GRM8: variants seen among roughly 807,000 people sequenced by gnomAD.
The protein encoded by GRM8 is glutamate metabotropic receptor 8, also known as metabotropic glutamate receptor 8.
GRM8 carries 47 observed loss-of-function variants against 87.2 expected under a neutral mutation model. The observed-to-expected ratio is 0.54, with a 90% CI of 0.43 to 0.69. The LOEUF is 0.69. Ranked by LOEUF, GRM8 falls within the 30% of genes least tolerant of loss-of-function variation. The probability of loss-of-function intolerance (pLI) is 0.00; values close to 1 mark genes in which losing one functional copy is unlikely to be tolerated. For synonymous variants in GRM8, 396 were observed against 404.5 expected (o/e 0.98, Z 0.25); for missense variants, 1,019 against 1,139.2 (o/e 0.89, Z 1.52).
At chr7:127,208,991 T>C (rs1796066550) in intron 2 of GRM8, among the ~76,000 whole-genome samples, 1 of 152,216 alleles carries the variant, frequency 6.6e-6, no homozygotes, top group South Asian at 2.1e-4. Flanking sequence ...TCTAATAGTG[T>C]GTGTTTGTTT....
At chr7:126,856,050 T>C (rs958024575) in intron 6 of GRM8, among the ~76,000 whole-genome samples, 3 of 152,186 alleles carry the variant, frequency 2.0e-5, no homozygotes, top group Admixed American at 1.3e-4. Flanking sequence ...GCATGAACTT[T>C]CATCAGCTTT....
Position 126,726,692 on chromosome 7 carries a change from C to T in GRM8, c.1357+43173G>A, listed in dbSNP as rs180840959. 1.8e-3 allele frequency among the ~76,000 whole-genome samples: 279 copies of T among 152,206 alleles called. 1 individual carries two copies. Among genetic ancestry groups the T allele is most frequent in the African/African-American group, 6.4e-3 (264 of 41,548 alleles). ...CAAAAGAGGAATTGGAAAGTATCTG[C>T]CCCTATCTCCCAGAAAAATCTTCAG... On this transcript the variant is annotated intron_variant, in intron 7 of 10. Transcript: ENST00000339582.
chr7:126,693,069 C>T (rs1423685198), intron 7 of GRM8, among the ~76,000 whole-genome samples: 2 of 152,274 alleles, frequency 1.3e-5, no homozygotes, highest in East Asian at 1.9e-4. Flanking sequence ...ACAAACTAAT[C>T]GCCTCAAACT....
At chr7:127,187,234 C>T (rs1265510906) in intron 2 of GRM8, among the ~76,000 whole-genome samples, 1 of 152,136 alleles carries the variant, frequency 6.6e-6, no homozygotes, top group Non-Finnish European at 1.5e-5. Context: ...CAAGTACAAG[C>T]TGTTTAAAAG....
chr7:126,767,711 A>G (rs1320323257), intron 7 of GRM8, among the ~76,000 whole-genome samples: 1 of 152,092 alleles, frequency 6.6e-6, no homozygotes, highest in African/African-American at 2.4e-5. Flanking sequence ...TACATAAGTC[A>G]ATAATAAAAT....
intron 7 of GRM8, among the ~76,000 whole-genome samples, chr7:126,706,914 G>A (rs1447745961): frequency 1.3e-5 from 2 of 152,222 alleles, no homozygotes; most frequent in East Asian, 3.9e-4. Context: ...TAGACAAAAT[G>A]CTCACTGGGG....
In GRM8 at chr7:126,668,889, G is replaced by C. The variant is rs149898828; in HGVS notation, c.1358-59391C>G. Among the ~76,000 whole-genome samples the C allele has an allele frequency of 1.9e-3, 289 of 152,164 alleles. 3 individuals are homozygous for C. The highest frequency in any genetic ancestry group is 6.8e-3 in the Middle Eastern group (2 of 294). On this transcript the variant is annotated intron_variant, in intron 7 of 10. Coordinates refer to ENST00000339582, the MANE Select transcript of GRM8 (RefSeq NM_000845.3). The stretch of plus-strand genomic sequence containing the variant: ...AAAAGAGCTCTAATTATTATTGATG[G>C]ACATTTGGGTTGGTTCCAAGACTTT...
At chr7:126,505,408 A>G (rs144450418) in intron 9 of GRM8, among the ~76,000 whole-genome samples, 2 of 152,164 alleles carry the variant, frequency 1.3e-5, no homozygotes, top group African/African-American at 4.8e-5. Flanking sequence ...ACACATCCCC[A>G]ATCTAAAAAT....
At chr7:127,246,360 A>T (rs1798583738) in intron 1 of GRM8, among the ~76,000 whole-genome samples, 1 of 152,174 alleles carries the variant, frequency 6.6e-6, no homozygotes, top group African/African-American at 2.4e-5. Flanking sequence ...TTTGTGTTTG[A>T]TTTAAAGTAT....
chr7:126,656,156 G>A (rs895582825), intron 7 of GRM8, among the ~76,000 whole-genome samples: 4 of 152,064 alleles, frequency 2.6e-5, no homozygotes, highest in Admixed American at 2.0e-4. Flanking sequence ...AATTCCAAGG[G>A]GCATTAAATG....
intron 2 of GRM8, among the ~76,000 whole-genome samples, chr7:127,221,644 A>G (rs529536899): frequency 5.3e-5 from 8 of 152,284 alleles, no homozygotes; most frequent in African/African-American, 1.9e-4. Context: ...AATGCTCGTT[A>G]ATAACTCATT....
intron 2 of GRM8, among the ~76,000 whole-genome samples, chr7:127,142,719 GGATGGACGGACA>G (rs1292470952): frequency 7.2e-5 from 11 of 152,146 alleles, no homozygotes; most frequent in East Asian, 3.9e-4. Flanking sequence ...TGGATGGGAT[GGATGGACGGACA>G]GATGGACGGA....
chr7:126,491,963 A>C (rs1808070361), intron 9 of GRM8, among the ~76,000 whole-genome samples: 1 of 152,080 alleles, frequency 6.6e-6, no homozygotes, highest in African/African-American at 2.4e-5. Flanking sequence ...AAGAATAATA[A>C]AAAAGCCATC....
At chr7:126,629,828 A>G (rs2106314) in intron 7 of GRM8, among the ~76,000 whole-genome samples, 46,810 of 152,062 alleles carry the variant, frequency 0.31, 8,083 homozygotes, top group East Asian at 0.43. Flanking sequence ...TGTGGAGCAT[A>G]ATTAAAAGAC....
At chr7:127,037,832 C>CGTGTGTGT (rs367605693) in intron 3 of GRM8, among the ~76,000 whole-genome samples, 112 of 147,420 alleles carry the variant, frequency 7.6e-4, no homozygotes, top group Middle Eastern at 3.4e-3. Flanking sequence ...CATGCGCATC[C>CGTGTGTGT]GTGTGTGTGT....
chr7:127,008,883 G>GT (rs1295350391), intron 3 of GRM8, among the ~76,000 whole-genome samples: 1 of 152,042 alleles, frequency 6.6e-6, no homozygotes, highest in African/African-American at 2.4e-5. Context: ...TTTCAAATAT[G>GT]TTTTTATCTA....
At chr7:126,746,083 G>T (rs1815638055) in intron 7 of GRM8, among the ~76,000 whole-genome samples, 1 of 151,702 alleles carries the variant, frequency 6.6e-6, no homozygotes, top group African/African-American at 2.4e-5. Flanking sequence ...GTTTTAATGT[G>T]ATGATTTAAA....
chr7:127,107,585 G>T (rs1456699461), intron 2 of GRM8, among the ~76,000 whole-genome samples: 1 of 152,126 alleles, frequency 6.6e-6, no homozygotes, highest in East Asian at 1.9e-4. Flanking sequence ...TGAAGATGCA[G>T]GTTTGACTTG....
intron 3 of GRM8, among the ~76,000 whole-genome samples, chr7:127,016,065 G>A (rs192705761): frequency 6.6e-6 from 1 of 152,036 alleles, no homozygotes; most frequent in Admixed American, 6.6e-5. Context: ...TAGTTCTCAA[G>A]CCTCTAGTTT....
Sources: allele counts gnomAD v4.1 joint callset (sites outside exome capture counted in the v4.1 genomes callset), GRCh38; gene constraint gnomAD v4.1.1; transcripts MANE v1.5; gene names NCBI Gene and HGNC (gene_info 2026-07-23, HGNC 2026-07-21).